IRGM: variants seen among roughly 807,000 people sequenced by gnomAD.
IRGM encodes immunity related GTPase M.
For missense variants in IRGM, 288 were observed against 219.9 expected, an observed-to-expected ratio of 1.31 and a Z score of -1.96; for synonymous variants, 98 against 80.6, an observed-to-expected ratio of 1.22 and a Z score of -1.16.
At chr5:150,869,781 C>T (rs1156611953) in intron 1 of IRGM, among the ~76,000 whole-genome samples, 1 of 152,048 alleles carries the variant, frequency 6.6e-6, no homozygotes, top group African/African-American at 2.4e-5. Context: ...GCTTTTTCAC[C>T]TTTCCAATTT....
chr5:150,863,697 T>G (rs200820226), intron 1 of IRGM, among the ~76,000 whole-genome samples: 1 of 152,104 alleles, frequency 6.6e-6, no homozygotes, highest in Non-Finnish European at 1.5e-5. Context: ...AGTGTTCTGG[T>G]CCCCATTTTG....
intron 1 of IRGM, among the ~76,000 whole-genome samples, chr5:150,874,987 C>G (rs532518405): frequency 6.6e-6 from 1 of 152,150 alleles, no homozygotes; most frequent in Non-Finnish European, 1.5e-5. Flanking sequence ...AAGTGGGGCA[C>G]GCACAGCAGC....
rs183343269 is a variant in IRGM, at chr5:150,863,698, C to T, written c.159-14282C>T. Among the ~76,000 whole-genome samples the T allele has an allele frequency of 2.3e-3, 344 of 152,226 alleles. 1 individual carries two copies. Among genetic ancestry groups the T allele is most frequent in the African/African-American group, 8.0e-3 (332 of 41,540 alleles). On this transcript the variant is annotated intron_variant and NMD_transcript_variant, in intron 1 of 3. Coordinates refer to the IRGM transcript ENST00000520549. ...CAGGGTATGGGGTTAGTGTTCTGGT[C>T]CCCATTTTGCAATGCAAGAAATAAG...
At chr5:150,850,072 A>G (rs1012371241), downstream of IRGM, among the ~76,000 whole-genome samples, 1 of 152,202 alleles carries the variant, frequency 6.6e-6, no homozygotes, top group Non-Finnish European at 1.5e-5. Flanking sequence ...TTAAAAAACC[A>G]AAAATACACC....
intron 3 of IRGM, chr5:150,895,988 G>T: frequency 6.2e-7 from 1 of 1,613,514 alleles, no homozygotes; most frequent in South Asian, 1.1e-5. Context: ...TCTCACAGAA[G>T]GCTTTCCCAC....
Position 150,863,290 on chromosome 5 carries a change from T to G in IRGM, c.158+14636T>G, listed in dbSNP as rs150506887. On this transcript the variant is annotated intron_variant and NMD_transcript_variant, in intron 1 of 3. Transcript: ENST00000520549. ...TTTTAGACCACTGTTTAAAGAAGCT[T>G]GCTTCTGAAGAAGAGTAAAAAGGAA... Among the ~76,000 whole-genome samples the G allele has an allele frequency of 1.8e-3, 279 of 152,302 alleles. 3 individuals carry two copies. Among genetic ancestry groups the G allele is most frequent in the African/African-American group, 6.0e-3 (248 of 41,560 alleles).
In IRGM at chr5:150,888,412, A is replaced by G. The variant is rs572835398; in HGVS notation, c.*140+8766A>G. ...GATAGATCATTGAGGCAGAAAATTAACAAAGATATTTAGGACCCAAACTCA... is the reference window on the plus strand; with the variant it reads ...GATAGATCATTGAGGCAGAAAATTAGCAAAGATATTTAGGACCCAAACTCA... On this transcript the variant is annotated intron_variant and NMD_transcript_variant, in intron 3 of 3. Transcript: ENST00000520549. Among the ~76,000 whole-genome samples the G allele has an allele frequency of 2.0e-5, 3 of 152,182 alleles. No homozygotes were observed. In the East Asian group the frequency reaches 5.8e-4, roughly 29 times the overall value.
Position 150,848,314 on chromosome 5 carries a change from C to G in IRGM, c.191C>G (p.Pro64Arg), listed in dbSNP as rs1010273904. 17 of 1,551,734 alleles carry G rather than the reference C, an allele frequency of 1.1e-5. No homozygotes were observed. Among genetic ancestry groups the G allele is most frequent in the Non-Finnish European group, 1.5e-5 (17 of 1,146,888 alleles). ...ACAGGACATGAGGGTAAGGCCTCAC[C>G]TCCTACTGAGCTGGTAAAAGCTACC... ...RNTGHEGKASPPTELVKATQR... is the reference protein window; with the variant it reads ...RNTGHEGKASRPTELVKATQR... Residue 64 changes from proline to arginine, a missense_variant, in exon 2 of 2, where the codon CCT (proline) becomes CGT (arginine). By Grantham distance (103) the Pro-to-Arg change is moderately radical. Transcript: ENST00000522154.
At chr5:150,874,553 A>G (rs1440071425) in intron 1 of IRGM, among the ~76,000 whole-genome samples, 1 of 152,232 alleles carries the variant, frequency 6.6e-6, no homozygotes, top group Non-Finnish European at 1.5e-5. Flanking sequence ...TTTGAAGACA[A>G]CATATTCCTC....
downstream of IRGM, among the ~76,000 whole-genome samples, chr5:150,851,468 C>T (rs893474798): frequency 3.3e-5 from 5 of 152,178 alleles, no homozygotes; most frequent in African/African-American, 9.7e-5. Flanking sequence ...CCCTAATGCA[C>T]GACGGCAGGC....
At chr5:150,893,747 C>T (rs1021014500) in intron 3 of IRGM, among the ~76,000 whole-genome samples, 2 of 152,076 alleles carry the variant, frequency 1.3e-5, no homozygotes, top group Non-Finnish European at 2.9e-5. Context: ...GCTTCAGTTC[C>T]ATATAAATAG....
At chr5:150,852,565 C>T (rs1424938431), downstream of IRGM, among the ~76,000 whole-genome samples, 1 of 152,042 alleles carries the variant, frequency 6.6e-6, no homozygotes, top group Admixed American at 6.6e-5. Flanking sequence ...TTCACACATT[C>T]TCATTAAGAG....
At chr5:150,855,477 C>T (rs762710198) in intron 1 of IRGM, among the ~76,000 whole-genome samples, 2 of 151,992 alleles carry the variant, frequency 1.3e-5, no homozygotes, top group South Asian at 2.1e-4. Context: ...GTGACTGAAA[C>T]GGTTTCTCTT....
chr5:150,855,408 G>A (rs1306404575), intron 1 of IRGM, among the ~76,000 whole-genome samples: 1 of 152,164 alleles, frequency 6.6e-6, no homozygotes, highest in Non-Finnish European at 1.5e-5. Context: ...GACTTAGTAA[G>A]TAGTTGAATT....
intron 1 of IRGM, among the ~76,000 whole-genome samples, chr5:150,856,016 A>C (rs1392887936): frequency 2.0e-5 from 3 of 152,192 alleles, no homozygotes; most frequent in African/African-American, 2.4e-5. Flanking sequence ...TTAAAATTAT[A>C]ACAATAAATT....
Position 150,848,093 on chromosome 5 carries a change from G to A in IRGM, c.-31G>A, listed in dbSNP as rs1416408688. 19 of 1,506,902 alleles carry A rather than the reference G, an allele frequency of 1.3e-5. No individual in the cohort carries two copies. The highest frequency in any genetic ancestry group is 1.6e-5 in the Non-Finnish European group (18 of 1,122,332). The allele number at this position is 1,506,902 out of a possible 1,614,324, so 93.3% of individuals were successfully genotyped here. A position where few individuals can be genotyped will look rare whatever the true frequency, so the allele number is the denominator to read the frequency against. ...TGGGATTACAGGCATGAGCCACGGC[G>A]CCTGGCCAGCATTGGGGTATTTTAT... On this transcript the variant is annotated 5_prime_UTR_variant, in exon 2 of 2. Coordinates refer to ENST00000522154, the MANE Select transcript of IRGM (RefSeq NM_001145805.2).
intron 1 of IRGM, among the ~76,000 whole-genome samples, chr5:150,868,967 C>T (rs972485541): frequency 7.2e-5 from 11 of 152,032 alleles, no homozygotes; most frequent in Non-Finnish European, 1.6e-4. Flanking sequence ...GATTTGGATG[C>T]CCTTTGTTCC....
intron 1 of IRGM, among the ~76,000 whole-genome samples, chr5:150,872,948 A>G (rs753951149): frequency 2.0e-5 from 3 of 152,222 alleles, no homozygotes; most frequent in Non-Finnish European, 2.9e-5. Context: ...GCATCCTTGA[A>G]GAGCTCTGTG....
intron 3 of IRGM, among the ~76,000 whole-genome samples, chr5:150,890,943 T>C (rs983570248): frequency 1.3e-5 from 2 of 152,100 alleles, no homozygotes; most frequent in African/African-American, 4.8e-5. Context: ...AAATGTCAAC[T>C]AGGTCAAATT....
Sources: allele counts gnomAD v4.1 joint callset (sites outside exome capture counted in the v4.1 genomes callset), GRCh38; gene constraint gnomAD v4.1.1; transcripts MANE v1.5; gene names NCBI Gene and HGNC (gene_info 2026-07-23, HGNC 2026-07-21).